The following MTUS2 variants were observed in gnomAD, a reference collection of about 807,000 sequenced individuals.
MTUS2 encodes microtubule-associated tumor suppressor candidate 2.
In MTUS2, 40 loss-of-function variants were observed where a neutral mutation model predicts 114.1. The ratio of observed to expected loss-of-function variants is 0.35; its 90% CI spans 0.27 to 0.46. The LOEUF (loss-of-function observed/expected upper bound fraction) is 0.46. Among genes scored for constraint, MTUS2 ranks in the 20% least tolerant of loss-of-function variants. The pLI is 1.00. For synonymous variants in MTUS2, 688 were observed against 672.0 expected, an observed-to-expected ratio of 1.02 and a Z score of -0.37; for missense variants, 1,679 against 1,705.4, an observed-to-expected ratio of 0.98 and a Z score of 0.27.
At chr13:29,000,473 C>G (rs1301989609) in intron 2 of MTUS2, among the ~76,000 whole-genome samples, 4 of 152,072 alleles carry the variant, frequency 2.6e-5, no homozygotes, top group African/African-American at 7.2e-5. Flanking sequence ...AGCAATTTTC[C>G]TGCCTGAGCC....
intron 8 of MTUS2, among the ~76,000 whole-genome samples, chr13:29,405,850 C>T (rs1360861224): frequency 6.6e-6 from 1 of 151,606 alleles, no homozygotes; most frequent in Admixed American, 6.6e-5. Flanking sequence ...AAGCGACTCT[C>T]CTGCCTCAGC....
At chr13:29,107,766 A>T (rs1890728598) in intron 5 of MTUS2, among the ~76,000 whole-genome samples, 2 of 152,206 alleles carry the variant, frequency 1.3e-5, no homozygotes, top group African/African-American at 4.8e-5. Context: ...CAAAGTTTCC[A>T]AACTTAGATG....
At chr13:28,883,290 C>T (rs1878399415) in intron 2 of MTUS2, among the ~76,000 whole-genome samples, 1 of 152,166 alleles carries the variant, frequency 6.6e-6, no homozygotes, top group Non-Finnish European at 1.5e-5. Context: ...TCGGCAATTG[C>T]ACTATTGAGT....
At chr13:29,167,173 G>T (rs889264486) in intron 5 of MTUS2, among the ~76,000 whole-genome samples, 1 of 152,280 alleles carries the variant, frequency 6.6e-6, no homozygotes, top group Non-Finnish European at 1.5e-5. Context: ...GGGAGATAGA[G>T]ACCATCCTGG....
At chr13:29,062,646 C>T (rs972708627) in intron 4 of MTUS2, among the ~76,000 whole-genome samples, 1 of 152,056 alleles carries the variant, frequency 6.6e-6, no homozygotes, top group African/African-American at 2.4e-5. Context: ...AGATTAATAA[C>T]AGGCCAGTAT....
chr13:29,117,405 C>T (rs984307380), intron 5 of MTUS2, among the ~76,000 whole-genome samples: 9 of 152,198 alleles, frequency 5.9e-5, no homozygotes, highest in African/African-American at 2.2e-4. Context: ...AGCTGCCCTC[C>T]TCCACATCTT....
intron 5 of MTUS2, among the ~76,000 whole-genome samples, chr13:29,253,203 A>G (rs763015629): frequency 1.3e-4 from 19 of 151,896 alleles, no homozygotes; most frequent in Non-Finnish European, 2.2e-4. Context: ...AGGCAGGCAA[A>G]TCACTTGAGA....
chr13:29,045,295 G>A (rs1309197764), intron 4 of MTUS2, among the ~76,000 whole-genome samples: 1 of 152,130 alleles, frequency 6.6e-6, no homozygotes, highest in Non-Finnish European at 1.5e-5. Context: ...TCTGGTGAGG[G>A]CCCTCTTCTT....
At chr13:29,135,064 T>C (rs1322362346) in intron 5 of MTUS2, among the ~76,000 whole-genome samples, 1 of 152,238 alleles carries the variant, frequency 6.6e-6, no homozygotes, top group African/African-American at 2.4e-5. Context: ...TTAATTATTG[T>C]ATGCCCTTCT....
At chr13:28,987,482 TAGAA>T (rs1884641374) in intron 2 of MTUS2, among the ~76,000 whole-genome samples, 1 of 151,952 alleles carries the variant, frequency 6.6e-6, no homozygotes, top group Non-Finnish European at 1.5e-5. Context: ...GTTGGGCAGC[TAGAA>T]AGAGACATGA....
At chr13:29,428,788 G>GTTGCCCGCTGACACCTT in intron 8 of MTUS2, 1 of 1,612,656 alleles carries the variant, frequency 6.2e-7, no homozygotes, top group South Asian at 1.1e-5. Context: ...CGGCTTAGGA[G>GTTGCCCGCTGACACCTT]TTGCCCGCTG....
rs143365180 is a variant in MTUS2, at chr13:29,096,845, C to G, written c.2447-3928C>G. On this transcript the variant is annotated intron_variant, in intron 4 of 15. Transcript: ENST00000612955. The stretch of plus-strand genomic sequence containing the variant: ...CTTCTAGTCTTCTCCCTTTTTCTCT[C>G]AAGTGTTGAACTTCTAGCCTATGGT... Among the ~76,000 whole-genome samples, 51 of 152,268 alleles carry G rather than the reference C, an allele frequency of 3.3e-4. 1 individual carries two copies. In the East Asian group the frequency reaches 9.8e-3, roughly 29 times the overall value.
chr13:29,368,748 T>G (rs1023184753), intron 8 of MTUS2, among the ~76,000 whole-genome samples: 4 of 152,216 alleles, frequency 2.6e-5, no homozygotes, highest in African/African-American at 9.6e-5. Context: ...TGCTGAGATC[T>G]CCATGAGGGA....
chr13:29,399,433 A>G (rs1874159181), intron 8 of MTUS2, among the ~76,000 whole-genome samples: 1 of 152,194 alleles, frequency 6.6e-6, no homozygotes, highest in Non-Finnish European at 1.5e-5. Flanking sequence ...CCTATTCAAG[A>G]TGCAGTTGCC....
chr13:29,146,509 G>A (rs1566031979), intron 5 of MTUS2, among the ~76,000 whole-genome samples: 1 of 152,076 alleles, frequency 6.6e-6, no homozygotes, highest in South Asian at 2.1e-4. Flanking sequence ...CAGATTACTA[G>A]GCATCCAATT....
intron 2 of MTUS2, among the ~76,000 whole-genome samples, chr13:28,872,507 C>T (rs998600548): frequency 1.6e-4 from 24 of 152,116 alleles, no homozygotes; most frequent in African/African-American, 5.6e-4. Flanking sequence ...TTATTTGGTG[C>T]ATTATTCTGC....
rs1893796507 is a variant in MTUS2, at chr13:29,176,859, T to C, written c.2644+75889T>C. 1.3e-5 allele frequency among the ~76,000 whole-genome samples: 2 copies of C among 151,336 alleles called. 1 individual carries two copies. The highest frequency in any genetic ancestry group is 4.9e-5 in the African/African-American group (2 of 40,632). On this transcript the variant is annotated intron_variant, in intron 5 of 15. Coordinates refer to ENST00000612955, the MANE Select transcript of MTUS2 (RefSeq NM_001033602.4). ...GCCATCGTTGGCACAGCAGCCTCCC[T>C]GCATCCCTCCTCCCTCCTCTCTCTG...
At chr13:29,194,714 A>T (rs1294771619) in intron 5 of MTUS2, among the ~76,000 whole-genome samples, 2 of 150,652 alleles carry the variant, frequency 1.3e-5, no homozygotes, top group Admixed American at 6.6e-5. Flanking sequence ...AGAACTAGAA[A>T]TACCATTTGA....
intron 8 of MTUS2, among the ~76,000 whole-genome samples, chr13:29,433,363 G>A (rs983336806): frequency 1.3e-5 from 2 of 152,184 alleles, no homozygotes; most frequent in African/African-American, 4.8e-5. Flanking sequence ...AAATGGGAAG[G>A]ATACTTTGTT....
Sources: gnomAD v4.1 joint callset for allele counts (sites outside exome capture counted in the v4.1 genomes callset) on GRCh38, gnomAD v4.1.1 for gene constraint, MANE v1.5 for transcripts, NCBI Gene and HGNC (gene_info 2026-07-23, HGNC 2026-07-21) for gene names.